Variants in ZSWIM5 observed in about 807,000 individuals in gnomAD.
The protein encoded by ZSWIM5 is zinc finger SWIM domain-containing protein 5.
Under a neutral mutation model 119.6 loss-of-function variants are expected in ZSWIM5, and 55 were observed. The ratio of observed to expected loss-of-function variants is 0.46; its 90% CI spans 0.37 to 0.58. The LOEUF (loss-of-function observed/expected upper bound fraction) is 0.58. ZSWIM5 is among the 20% of genes least tolerant of loss of function. ZSWIM5 has a pLI of 0.00. For missense variants in ZSWIM5, 1,193 were observed against 1,512.8 expected (o/e 0.79, Z 3.51); for synonymous variants, 537 against 606.9 (o/e 0.88, Z 1.69).
chr1:45,023,146 G>A (rs1644898384), intron 11 of ZSWIM5, among the ~76,000 whole-genome samples: 1 of 152,184 alleles, frequency 6.6e-6, no homozygotes, highest in Admixed American at 6.5e-5. Flanking sequence ...AGTTGTATGG[G>A]TTTTGACAAA....
chr1:45,134,062 T>A (rs1489432218), intron 1 of ZSWIM5, among the ~76,000 whole-genome samples: 3 of 152,198 alleles, frequency 2.0e-5, no homozygotes, highest in Non-Finnish European at 4.4e-5. Flanking sequence ...CCAGCTTTGT[T>A]CTTTTGGCTT....
At chr1:45,104,253 A>T (rs1036394923) in intron 1 of ZSWIM5, among the ~76,000 whole-genome samples, 13 of 152,210 alleles carry the variant, frequency 8.5e-5, no homozygotes, top group Non-Finnish European at 1.5e-5. Flanking sequence ...TGACATCTAT[A>T]AAATAACTAA....
In ZSWIM5 at chr1:45,121,098, C is replaced by T. The variant is rs1439246114; in HGVS notation, c.596-32861G>A. Among the ~76,000 whole-genome samples the T allele has an allele frequency of 3.9e-5, 6 of 152,062 alleles. No individual in the cohort carries two copies. In the South Asian group the frequency reaches 6.2e-4, roughly 16 times the overall value. On this transcript the variant is annotated intron_variant, in intron 1 of 13. Transcript: ENST00000359600. Reference sequence around the variant, plus strand: ...CCGAGTAGCTGGGACTACAGGCGCCCGCCACCTTGCCCAGTTAATTTTTTG... The same window carrying T: ...CCGAGTAGCTGGGACTACAGGCGCCTGCCACCTTGCCCAGTTAATTTTTTG...
chr1:45,206,013 G>T lies in ZSWIM5; in HGVS notation c.338C>A (p.Ser113Tyr). The change falls in exon 1 of 14, where the codon TCC becomes TAC. Residue 113 changes from serine to tyrosine, a missense_variant. Around this residue, in one of 2 missense-constraint regions of ZSWIM5, gnomAD observed 232 missense variants for 222.9 expected, o/e 1.04. Transcript: ENST00000359600. ...PRNEREICMY[S>Y]SFQYRGGPGA... is the part of the protein sequence containing the mutation. ...GGGGCCGCCCCGGTACTGGAAGCTG[G>T]AGTACATGCAGATCTCCCGCTCATT... 1 of 1,590,564 alleles carries T rather than the reference G, an allele frequency of 6.3e-7. No individual in the cohort carries two copies. Among genetic ancestry groups the T allele is most frequent in the Non-Finnish European group, 8.5e-7 (1 of 1,170,110 alleles).
At chr1:45,168,764 A>G (rs1397553074) in intron 1 of ZSWIM5, among the ~76,000 whole-genome samples, 3 of 151,702 alleles carry the variant, frequency 2.0e-5, no homozygotes, top group Admixed American at 6.6e-5. Context: ...AAAATTTCAC[A>G]TTTAAAAATA....
intron 1 of ZSWIM5, among the ~76,000 whole-genome samples, chr1:45,182,545 T>G (rs1646028043): frequency 6.6e-6 from 1 of 151,800 alleles, no homozygotes; most frequent in African/African-American, 2.4e-5. Flanking sequence ...AATAAAAGGA[T>G]GGAGGAAGAT....
chr1:45,105,248 A>G (rs1223132153), intron 1 of ZSWIM5, among the ~76,000 whole-genome samples: 1 of 151,944 alleles, frequency 6.6e-6, no homozygotes, highest in Admixed American at 6.6e-5. Flanking sequence ...TCGCTCACTC[A>G]TGCTCAATGT....
At chr1:45,123,396 CTCAGCAGAGAAACAGAAGA>C (rs1348356567) in intron 1 of ZSWIM5, among the ~76,000 whole-genome samples, 3 of 152,124 alleles carry the variant, frequency 2.0e-5, no homozygotes, top group African/African-American at 7.2e-5. Flanking sequence ...AATAGAATCT[CTCAGCAGAGAAACAGAAGA>C]TACAAAGAAG....
rs1425110283 is a variant in ZSWIM5, at chr1:45,018,607, A to G, written c.3405T>C (p.Tyr1135=). The G allele has an allele frequency of 2.5e-6, 4 of 1,614,080 alleles. No homozygotes were observed. Among genetic ancestry groups the G allele is most frequent in the Non-Finnish European group, 3.4e-6 (4 of 1,180,054 alleles). Residue 1135 remains tyrosine, a synonymous_variant, in exon 14 of 14, where the codon TAT becomes TAC. Transcript: ENST00000359600. The surrounding 1 kb of genome is among the most constrained non-coding windows in gnomAD (Gnocchi z 6.7). ...TGCTTAGAAACTCAATGAACTCTCC[A>G]TAGTGGCGAGGGCTGATGTGTGTTA... ...SRLTHISPRH[Y]GEFIEFLSKA...
At position 45,021,443 on chromosome 1, in the gene ZSWIM5, C is replaced by T. The variant is rs1164874571; in HGVS notation, c.2450-655G>A. ...TACAGCACCCTGGGGCAAAAAGGAG[C>T]GGGGCCACCACTTCTTATTCAATAG... is the stretch of plus-strand genomic sequence containing the variant. On this transcript the variant is annotated intron_variant, in intron 11 of 13. Transcript: ENST00000359600. 3.9e-5 allele frequency among the ~76,000 whole-genome samples: 6 copies of T among 152,144 alleles called. No individual in the cohort carries two copies. The South Asian group carries it at 6.2e-4, about 16-fold the overall frequency.
chr1:45,127,442 C>CTT (rs569318285), intron 1 of ZSWIM5, among the ~76,000 whole-genome samples: 2 of 142,634 alleles, frequency 1.4e-5, no homozygotes, highest in African/African-American at 5.1e-5. Flanking sequence ...TCTGCTCTCA[C>CTT]TTTTTTTTTT....
chr1:45,184,928 GCCCTC>G, intron 1 of ZSWIM5, among the ~76,000 whole-genome samples: 1 of 152,216 alleles, frequency 6.6e-6, no homozygotes, highest in South Asian at 2.1e-4. Flanking sequence ...CCAAAAAAGA[GCCCTC>G]ATTGCCAAGT....
At chr1:45,096,535 A>AACACACACACAC (rs370564289) in intron 1 of ZSWIM5, among the ~76,000 whole-genome samples, 25 of 140,520 alleles carry the variant, frequency 1.8e-4, no homozygotes, top group African/African-American at 6.5e-4. Context: ...TGGCCCTATC[A>AACACACACACAC]ACACACACAC....
intron 2 of ZSWIM5, among the ~76,000 whole-genome samples, chr1:45,081,735 C>T (rs1471731964): frequency 2.6e-5 from 4 of 152,136 alleles, no homozygotes; most frequent in African/African-American, 4.8e-5. Flanking sequence ...GCCGCCACCC[C>T]GTCTGGGAAG....
At chr1:45,067,840 C>T (rs576764860) in intron 2 of ZSWIM5, among the ~76,000 whole-genome samples, 1 of 152,200 alleles carries the variant, frequency 6.6e-6, no homozygotes, top group African/African-American at 2.4e-5. Context: ...AGTATGAAAC[C>T]ACTTATCTTT....
At chr1:45,035,607 G>T in intron 10 of ZSWIM5, 81 bp downstream of exon 10, 4 of 1,539,800 alleles carry the variant, frequency 2.6e-6, no homozygotes, top group Non-Finnish European at 2.6e-6. Flanking sequence ...GGAAAGAAAA[G>T]AAAGTGAAAT....
chr1:45,041,922 T>G (rs540541367), intron 6 of ZSWIM5, among the ~76,000 whole-genome samples: 1 of 152,224 alleles, frequency 6.6e-6, no homozygotes, highest in Non-Finnish European at 1.5e-5. Flanking sequence ...TTGTAAATAT[T>G]TTTCCATGTT....
intron 1 of ZSWIM5, among the ~76,000 whole-genome samples, chr1:45,200,658 C>A (rs1373070115): frequency 6.6e-6 from 1 of 152,042 alleles, no homozygotes; most frequent in East Asian, 1.9e-4. Context: ...TCAAGAATGA[C>A]AATTTTAACC....
At position 45,036,250 on chromosome 1, in the gene ZSWIM5, T is replaced by G; in HGVS notation, c.1944A>C (p.Ala648=). ...PPVYQHVPVA[A]GSPNSSESYL... ...AGGACTCACTGCTGTTTGGGGAGCC[T>G]GCAGCCACAGGTACATGCTGGTACA... The change falls in exon 9 of 14, where the codon GCA becomes GCC. Residue 648 remains alanine, a synonymous_variant. Coordinates refer to ENST00000359600, the MANE Select transcript of ZSWIM5 (RefSeq NM_020883.2). 1 of 1,614,112 alleles carries G rather than the reference T, an allele frequency of 6.2e-7. No homozygotes were observed. Among genetic ancestry groups the G allele is most frequent in the Non-Finnish European group, 8.5e-7 (1 of 1,180,024 alleles).
Sources: allele counts gnomAD v4.1 joint callset (sites outside exome capture counted in the v4.1 genomes callset), GRCh38; gene constraint gnomAD v4.1.1; regional missense constraint gnomAD v4.1.1; non-coding constraint Gnocchi (gnomAD v3.1); transcripts MANE v1.5; gene names NCBI Gene and HGNC (gene_info 2026-07-23, HGNC 2026-07-21).